ZNF248: variants seen among roughly 807,000 people sequenced by gnomAD.
ZNF248 encodes zinc finger protein 248.
Under a neutral mutation model 44.3 loss-of-function variants are expected in ZNF248, and 20 were observed. That is an observed-to-expected ratio of 0.45 (90% CI 0.32 to 0.66). The LOEUF (loss-of-function observed/expected upper bound fraction) is 0.66, where lower values mean the gene tolerates loss of function less well. Ranked by LOEUF, ZNF248 falls within the 30% of genes least tolerant of loss-of-function variation. The probability of loss-of-function intolerance (pLI) is 0.04; values close to 1 mark genes in which losing one functional copy is unlikely to be tolerated. For missense variants in ZNF248, 654 were observed against 677.0 expected (o/e 0.97, Z 0.38); for synonymous variants, 224 against 229.0 (o/e 0.98, Z 0.20).
At chr10:37,804,155 A>T (rs1242760268) in intron 6 of ZNF248, among the ~76,000 whole-genome samples, 2 of 129,026 alleles carry the variant, frequency 1.6e-5, no homozygotes, top group Non-Finnish European at 3.1e-5. Flanking sequence ...CCCAGGCTGG[A>T]GTGCAGTGGC....
chr10:37,843,737 A>C (rs529441705), intron 3 of ZNF248, among the ~76,000 whole-genome samples: 1 of 152,332 alleles, frequency 6.6e-6, no homozygotes, highest in South Asian at 2.1e-4. Context: ...CCAAGTAGGA[A>C]TCTAAAGCTG....
intron 6 of ZNF248, among the ~76,000 whole-genome samples, chr10:37,804,379 T>C (rs2050244831): frequency 6.6e-6 from 1 of 152,072 alleles, no homozygotes; most frequent in African/African-American, 2.4e-5. Flanking sequence ...CATAGTTATA[T>C]ATTATTAAAA....
At chr10:37,804,974 T>C (rs1196091025) in intron 6 of ZNF248, among the ~76,000 whole-genome samples, 3 of 152,346 alleles carry the variant, frequency 2.0e-5, no homozygotes, top group Non-Finnish European at 4.4e-5. Context: ...TTAGAAGGAA[T>C]CATATTATGT....
chr10:37,768,010 A>C, the ZNF248 span, among the ~76,000 whole-genome samples: 9 of 152,370 alleles, frequency 5.9e-5, no homozygotes, highest in East Asian at 1.7e-3. Flanking sequence ...AAACCAACAC[A>C]GATCAAAAGA....
intron 5 of ZNF248, among the ~76,000 whole-genome samples, chr10:37,833,452 G>A (rs573032732): frequency 6.6e-6 from 1 of 152,238 alleles, no homozygotes; most frequent in East Asian, 1.9e-4. Flanking sequence ...GAGAAAATGG[G>A]GTGAACCCAA....
chr10:37,840,371 G>A (rs2058115350), intron 3 of ZNF248, among the ~76,000 whole-genome samples: 1 of 152,114 alleles, frequency 6.6e-6, no homozygotes, highest in African/African-American at 2.4e-5. Flanking sequence ...ATAGGCAAAA[G>A]ATCTGAATGG....
the ZNF248 span, among the ~76,000 whole-genome samples, chr10:37,765,779 A>G: frequency 1.6e-4 from 24 of 152,228 alleles, no homozygotes; most frequent in African/African-American, 5.3e-4. Context: ...TGGGTGCAGC[A>G]CACCATGCGT....
intron 6 of ZNF248, among the ~76,000 whole-genome samples, chr10:37,784,632 T>C (rs972492551): frequency 6.6e-6 from 1 of 152,214 alleles, no homozygotes; most frequent in East Asian, 1.9e-4. Flanking sequence ...AAGACTCAAA[T>C]GCAGTTCACT....
Position 37,820,976 on chromosome 10 carries a change from C to T in ZNF248, c.330+12049G>A, listed in dbSNP as rs1589444660. The T allele has an allele frequency of 2.5e-6, 4 of 1,592,186 alleles. No individual in the cohort carries two copies. In the East Asian group the frequency reaches 9.0e-5, roughly 36 times the overall value. On this transcript the variant is annotated intron_variant, in intron 6 of 6. Coordinates refer to the ZNF248 transcript ENST00000615949. ...CGTGGGTCCAGGCTATGCAATTCTTCCATCATTTCTGGCTGGCAGAGCGTC... is the reference window on the plus strand; with the variant it reads ...CGTGGGTCCAGGCTATGCAATTCTTTCATCATTTCTGGCTGGCAGAGCGTC...
intron 6 of ZNF248, among the ~76,000 whole-genome samples, chr10:37,823,333 CAAAAAAAAA>C (rs60957023): frequency 6.3e-4 from 11 of 17,534 alleles, no homozygotes; most frequent in East Asian, 2.4e-3. Flanking sequence ...ACTCCGTCTC[CAAAAAAAAA>C]AAAAAAAAAA....
At chr10:37,841,664 G>A (rs1255551474) in intron 3 of ZNF248, among the ~76,000 whole-genome samples, 1 of 152,156 alleles carries the variant, frequency 6.6e-6, no homozygotes, top group East Asian at 1.9e-4. Context: ...TGAAAACGGA[G>A]GACAAAGGAG....
intron 3 of ZNF248, among the ~76,000 whole-genome samples, chr10:37,843,019 A>G (rs1013908487): frequency 6.6e-6 from 1 of 152,218 alleles, no homozygotes; most frequent in African/African-American, 2.4e-5. Context: ...TCAATGTGCA[A>G]AGACTGAGAG....
At chr10:37,835,363 A>C (rs145416397) in intron 5 of ZNF248, among the ~76,000 whole-genome samples, 1 of 152,228 alleles carries the variant, frequency 6.6e-6, no homozygotes, top group African/African-American at 2.4e-5. Flanking sequence ...TCAAGATAGC[A>C]GTAACATGGA....
At position 37,839,237 on chromosome 10, in the gene ZNF248, G is replaced by A. The variant is rs192720742; in HGVS notation, c.16-1126C>T. On this transcript the variant is annotated intron_variant, in intron 3 of 5. Coordinates refer to ENST00000395867, the MANE Select transcript of ZNF248 (RefSeq NM_021045.3). The stretch of plus-strand genomic sequence containing the variant: ...TTTACGTGCGTTGTCACATGTCATT[G>A]CTAGAGGAGTTAAGTGTGTTCTGTG... Among the ~76,000 whole-genome samples the A allele has an allele frequency of 1.9e-4, 29 of 152,286 alleles. No homozygotes were observed. The East Asian group carries it at 5.2e-3, about 27-fold the overall frequency.
At chr10:37,825,307 C>G (rs2054201673), downstream of ZNF248, among the ~76,000 whole-genome samples, 1 of 151,922 alleles carries the variant, frequency 6.6e-6, no homozygotes, top group Non-Finnish European at 1.5e-5. Context: ...TTAAATTGTT[C>G]AATGTCTGTA....
chr10:37,805,259 C>T (rs1294858286), intron 6 of ZNF248, among the ~76,000 whole-genome samples: 1 of 152,112 alleles, frequency 6.6e-6, no homozygotes, highest in Non-Finnish European at 1.5e-5. Context: ...AGAGAGTATA[C>T]TACTGAGTTG....
chr10:37,791,008 T>C (rs1040863554), intron 6 of ZNF248, among the ~76,000 whole-genome samples: 1 of 147,030 alleles, frequency 6.8e-6, no homozygotes, highest in African/African-American at 2.5e-5. Flanking sequence ...TGAAAAATGG[T>C]CTATGTTTTT....
intron 3 of ZNF248, among the ~76,000 whole-genome samples, chr10:37,842,735 G>A (rs2058564700): frequency 6.6e-6 from 1 of 152,158 alleles, no homozygotes; most frequent in Admixed American, 6.5e-5. Context: ...CTGCAGCAGA[G>A]GATTATGGTT....
chr10:37,770,501 G>A, the ZNF248 span, among the ~76,000 whole-genome samples: 1 of 152,176 alleles, frequency 6.6e-6, no homozygotes, highest in African/African-American at 2.4e-5. Flanking sequence ...TGACAAACCT[G>A]AGAAAAACAA....
Sources: allele counts gnomAD v4.1 joint callset (sites outside exome capture counted in the v4.1 genomes callset), GRCh38; gene constraint gnomAD v4.1.1; transcripts MANE v1.5; gene names NCBI Gene and HGNC (gene_info 2026-07-23, HGNC 2026-07-21).